MAP3K1: variants seen among roughly 807,000 people sequenced by gnomAD.
The protein encoded by MAP3K1 is mitogen-activated protein kinase kinase kinase 1, also known as MAP/ERK kinase kinase 1.
A neutral mutation model predicts 144.2 loss-of-function variants in MAP3K1; 36 were observed. The ratio of observed to expected loss-of-function variants is 0.25; its 90% CI spans 0.19 to 0.33. The LOEUF (loss-of-function observed/expected upper bound fraction) is 0.33. Ranked by LOEUF, MAP3K1 falls within the 10% of genes least tolerant of loss-of-function variation. The pLI, the probability that MAP3K1 is intolerant of heterozygous loss-of-function variation, is 1.00. For missense variants in MAP3K1, 1,650 were observed against 1,881.9 expected, an observed-to-expected ratio of 0.88 and a Z score of 2.28; for synonymous variants, 718 against 688.7, an observed-to-expected ratio of 1.04 and a Z score of -0.67.
At chr5:56,816,233 A>G (rs1561157093) in intron 1 of MAP3K1, among the ~76,000 whole-genome samples, 178 bp downstream of exon 1, 2 of 151,804 alleles carry the variant, frequency 1.3e-5, no homozygotes, top group Non-Finnish European at 2.9e-5. Context: ...GGCGCCCCGG[A>G]CCCAGCCTGG....
intron 1 of MAP3K1, chr5:56,842,330 G>A (rs1425607117): frequency 6.6e-6 from 1 of 152,240 alleles, no homozygotes; most frequent in African/African-American, 2.4e-5. Flanking sequence ...GTCGTAGAGA[G>A]CTGGTTTTGA....
rs1554037262 is a variant in MAP3K1 at position 56,895,361 on chromosome 5, ATTTTG to A, written c.*1686_*1690del. The A allele has an allele frequency of 6.3e-4, 99 of 156,916 alleles. No individual in the cohort carries two copies. The highest frequency in any genetic ancestry group is 3.3e-3 in the Middle Eastern group (2 of 606). 9.7% of individuals were successfully genotyped at this position (156,916 alleles called of 1,614,324 possible). On this transcript the variant is annotated 3_prime_UTR_variant, in exon 20 of 20. Transcript: ENST00000399503. ...TGTGTTGTACTTGACTTTCTTTTTT[ATTTTG>A]TTTTTTTTTTTTTTTGACTACTTAG... is the stretch of plus-strand genomic sequence containing the variant.
intron 6 of MAP3K1, 109 bp from the exon 7 acceptor site, chr5:56,871,801 A>G: frequency 3.1e-6 from 3 of 965,466 alleles, no homozygotes; most frequent in Non-Finnish European, 4.8e-6. Context: ...AGATGCTCTT[A>G]AGAATTTCTA....
intron 1 of MAP3K1, among the ~76,000 whole-genome samples, chr5:56,838,585 A>G (rs995622127): frequency 2.0e-5 from 3 of 152,236 alleles, no homozygotes; most frequent in African/African-American, 4.8e-5. Context: ...TGGGCAGATG[A>G]CATCTTTGGT....
intron 14 of MAP3K1, 137 bp from the exon 15 acceptor site, chr5:56,883,390 A>T: frequency 1.3e-6 from 1 of 794,860 alleles, no homozygotes; most frequent in Non-Finnish European, 2.1e-6. Flanking sequence ...GCTGTCGGTC[A>T]CAAATACCTT....
In MAP3K1 at chr5:56,894,769, T is replaced by C; in HGVS notation, c.*1089T>C. 4.3e-6 allele frequency: 1 copy of C among 231,904 alleles called. No homozygotes were observed. The highest frequency in any genetic ancestry group is 8.5e-6 in the Non-Finnish European group (1 of 117,260). 14.4% of individuals were successfully genotyped at this position (231,904 alleles called of 1,614,324 possible). On this transcript the variant is annotated 3_prime_UTR_variant, in exon 20 of 20. Coordinates refer to ENST00000399503, the MANE Select transcript of MAP3K1 (RefSeq NM_005921.2). ...TCTTTACAGTAGGCCTGGCAGATCA[T>C]TTTTTAAAAAGATTATTCAACTACC...
At chr5:56,863,895 A>G (rs1747594318) in intron 3 of MAP3K1, among the ~76,000 whole-genome samples, 1 of 152,224 alleles carries the variant, frequency 6.6e-6, no homozygotes, top group Non-Finnish European at 1.5e-5. Flanking sequence ...AGAGTGTTAT[A>G]TATTATCCTC....
chr5:56,825,780 A>C (rs1343916075), intron 1 of MAP3K1, among the ~76,000 whole-genome samples: 7 of 152,140 alleles, frequency 4.6e-5, no homozygotes, highest in Non-Finnish European at 1.0e-4. Flanking sequence ...CTGCTAACCC[A>C]GGGTCAGGCC....
At chr5:56,879,273 G>A (rs372206441) in intron 11 of MAP3K1, among the ~76,000 whole-genome samples, 172 bp downstream of exon 11, 4 of 152,154 alleles carry the variant, frequency 2.6e-5, no homozygotes, top group East Asian at 3.8e-4. Context: ...AAGGACTGGC[G>A]GAAAGAACTA....
chr5:56,883,750 A>G, intron 15 of MAP3K1, 71 bp downstream of exon 15: 1 of 1,484,792 alleles, frequency 6.7e-7, no homozygotes. Flanking sequence ...TAAAAAGAAT[A>G]AAGGATATGT....
At chr5:56,881,500 C>A in intron 13 of MAP3K1, 70 bp from the exon 14 acceptor site, 1 of 1,263,584 alleles carries the variant, frequency 7.9e-7, no homozygotes, top group South Asian at 1.2e-5. Context: ...AAATTACTAC[C>A]ATTTTTTAAG....
At chr5:56,840,572 C>T (rs1244315333) in intron 1 of MAP3K1, among the ~76,000 whole-genome samples, 1 of 152,140 alleles carries the variant, frequency 6.6e-6, no homozygotes, top group East Asian at 1.9e-4. Flanking sequence ...ACTAGTATGA[C>T]TTTTAATATT....
At chr5:56,835,474 G>A (rs973772454) in intron 1 of MAP3K1, among the ~76,000 whole-genome samples, 1 of 151,848 alleles carries the variant, frequency 6.6e-6, no homozygotes, top group Non-Finnish European at 1.5e-5. Flanking sequence ...AGGAAGGTAG[G>A]AAGAGGACTT....
At chr5:56,817,525 C>T (rs1746014861) in intron 1 of MAP3K1, among the ~76,000 whole-genome samples, 2 of 152,186 alleles carry the variant, frequency 1.3e-5, no homozygotes, top group South Asian at 4.1e-4. Flanking sequence ...CGCACTGTAC[C>T]ATGGCACTAC....
rs761217931 is a variant in MAP3K1, at chr5:56,864,762, G to T, written c.863G>T (p.Arg288Leu). ...CAGAGTGGCAGAATCACACCACCCC[G>T]AAGAGCCCCTTCACCAGATGGCTTC... The part of the protein sequence containing the change: ...PFQSGRITPP[R>L]RAPSPDGFSP... The change falls in exon 4 of 20, where the codon CGA becomes CTA. Residue 288 changes from arginine to leucine, a missense_variant. Coordinates refer to ENST00000399503, the MANE Select transcript of MAP3K1 (RefSeq NM_005921.2). The T allele has an allele frequency of 1.9e-6, 3 of 1,613,974 alleles. No homozygotes were observed. The highest frequency in any genetic ancestry group is 1.1e-5 in the South Asian group (1 of 91,078).
intron 2 of MAP3K1, among the ~76,000 whole-genome samples, chr5:56,857,710 T>C (rs1417568771): frequency 1.3e-5 from 2 of 152,242 alleles, no homozygotes; most frequent in East Asian, 3.8e-4. Context: ...GGCTACCTTT[T>C]AGGCAGTGCA....
At chr5:56,859,585 T>C (rs945884353) in intron 2 of MAP3K1, 130 bp from the exon 3 acceptor site, 5 of 648,906 alleles carry the variant, frequency 7.7e-6, no homozygotes, top group African/African-American at 5.5e-5. Context: ...AAAGTTGATA[T>C]ATTGTCTGGT....
Position 56,882,043 on chromosome 5 carries a change from C to G in MAP3K1, c.2843C>G (p.Thr948Arg). 6.2e-7 allele frequency: 1 copy of G among 1,613,982 alleles called. No individual in the cohort carries two copies. The highest frequency in any genetic ancestry group is 8.5e-7 in the Non-Finnish European group (1 of 1,179,942). ...AGTTCAACAACAACAACAACAACAA[C>G]AACAGAGCAACCAAAGCCAATGGTT... Reference protein sequence around the residue: ...PSSSTTTTTTTTEQPKPMVQT... With the variant: ...PSSSTTTTTTRTEQPKPMVQT... The change falls in exon 14 of 20, where the codon ACA becomes AGA. Residue 948 changes from threonine to arginine, a missense_variant. Coordinates refer to ENST00000399503, the MANE Select transcript of MAP3K1 (RefSeq NM_005921.2).
In MAP3K1 at chr5:56,895,366, G is replaced by GTTT. The variant is rs369894303; in HGVS notation, c.*1699_*1701dup. 36 of 87,352 alleles carry GTTT rather than the reference G, an allele frequency of 4.1e-4. No individual in the cohort carries two copies. The highest frequency in any genetic ancestry group is 1.2e-3 in the African/African-American group (30 of 24,444). 5.4% of individuals were successfully genotyped at this position (87,352 alleles called of 1,614,324 possible). ...TGTACTTGACTTTCTTTTTTATTTT[G>GTTT]TTTTTTTTTTTTTTTGACTACTTAG... On this transcript the variant is annotated 3_prime_UTR_variant, in exon 20 of 20. Coordinates refer to ENST00000399503, the MANE Select transcript of MAP3K1 (RefSeq NM_005921.2).
Sources: allele counts gnomAD v4.1 joint callset (sites outside exome capture counted in the v4.1 genomes callset), GRCh38; gene constraint gnomAD v4.1.1; transcripts MANE v1.5; gene names NCBI Gene and HGNC (gene_info 2026-07-23, HGNC 2026-07-21).